The following ERC2 variants were observed in gnomAD, a reference collection of about 807,000 sequenced individuals.
ERC2 encodes the protein ERC protein 2.
Under a neutral mutation model 114.8 loss-of-function variants are expected in ERC2, and 42 were observed. That is an observed-to-expected ratio of 0.37 (90% confidence interval 0.29 to 0.47). ERC2 has a LOEUF of 0.47. Among genes scored for constraint, ERC2 ranks in the 20% least tolerant of loss-of-function variants. ERC2 has a pLI of 0.99. For missense variants in ERC2, 939 were observed against 1,150.7 expected (o/e 0.82, Z 2.66); for synonymous variants, 454 against 425.5 (o/e 1.07, Z -0.82).
Position 55,879,375 on chromosome 3 carries a change from C to T in ERC2, c.2564+9014G>A, listed in dbSNP as rs1469914144. ...CTCAAATTTTGCCTACCAACTCTAG[C>T]ACAGTCATCTGAGGCAGCATGAATC... is the stretch of plus-strand genomic sequence containing the variant. On this transcript the variant is annotated intron_variant, in intron 14 of 17. Transcript: ENST00000288221. Among the ~76,000 whole-genome samples the T allele has an allele frequency of 5.3e-5, 8 of 152,160 alleles. No homozygotes were observed. In the East Asian group the frequency reaches 1.5e-3, roughly 29 times the overall value.
chr3:55,554,659 A>T (rs892956145), intron 17 of ERC2, among the ~76,000 whole-genome samples: 2 of 152,168 alleles, frequency 1.3e-5, no homozygotes, highest in African/African-American at 4.8e-5. Context: ...ACATTTGCAA[A>T]CTGCATGGTT....
At chr3:56,052,141 C>CA (rs2075801382) in intron 7 of ERC2, among the ~76,000 whole-genome samples, 1 of 152,190 alleles carries the variant, frequency 6.6e-6, no homozygotes, top group South Asian at 2.1e-4. Context: ...AGCATGTCTC[C>CA]AACCAAGTTC....
intron 17 of ERC2, among the ~76,000 whole-genome samples, chr3:55,674,153 T>C (rs943003015): frequency 3.3e-5 from 5 of 152,064 alleles, no homozygotes; most frequent in African/African-American, 7.3e-5. Context: ...TATAAACAGA[T>C]GTGAAAAACA....
chr3:55,950,621 A>C, intron 12 of ERC2, 61 bp from the exon 13 acceptor site: 1 of 1,589,706 alleles, frequency 6.3e-7, no homozygotes, highest in Non-Finnish European at 8.6e-7. Flanking sequence ...TGTTATCACA[A>C]ATAGATTCAG....
chr3:55,561,358 A>G (rs2056004585), intron 17 of ERC2, among the ~76,000 whole-genome samples: 1 of 152,142 alleles, frequency 6.6e-6, no homozygotes, highest in African/African-American at 2.4e-5. Flanking sequence ...GGAAGCCCAC[A>G]GAAACCCCTC....
chr3:55,890,370 C>T (rs1338768725), intron 13 of ERC2, among the ~76,000 whole-genome samples: 2 of 152,114 alleles, frequency 1.3e-5, no homozygotes, highest in East Asian at 1.9e-4. Flanking sequence ...CTCATGATTC[C>T]TTTTCTGTCA....
intron 3 of ERC2, among the ~76,000 whole-genome samples, chr3:56,233,016 G>A (rs191868767): frequency 7.4e-4 from 112 of 152,206 alleles, no homozygotes; most frequent in African/African-American, 2.6e-3. Context: ...ATAACACCAC[G>A]TATGCAACTA....
At chr3:56,341,090 A>C (rs1214944728) in intron 2 of ERC2, among the ~76,000 whole-genome samples, 1 of 152,138 alleles carries the variant, frequency 6.6e-6, no homozygotes, top group Non-Finnish European at 1.5e-5. Flanking sequence ...GTCGGTGTAA[A>C]TCTTTAAAGA....
At chr3:56,000,530 A>C (rs1189173777) in intron 10 of ERC2, among the ~76,000 whole-genome samples, 3 of 152,194 alleles carry the variant, frequency 2.0e-5, no homozygotes, top group African/African-American at 4.8e-5. Flanking sequence ...AAAGCTAATA[A>C]ATGTACTGGA....
chr3:55,773,683 T>G (rs1457568294), intron 14 of ERC2, among the ~76,000 whole-genome samples: 1 of 152,246 alleles, frequency 6.6e-6, no homozygotes, highest in Non-Finnish European at 1.5e-5. Flanking sequence ...CAATGGTTAT[T>G]CAATGAATAT....
At chr3:55,845,634 C>T (rs2061330703) in intron 14 of ERC2, among the ~76,000 whole-genome samples, 1 of 151,850 alleles carries the variant, frequency 6.6e-6, no homozygotes, top group African/African-American at 2.4e-5. Context: ...TTACAAGTAG[C>T]AATTTTCACT....
chr3:55,739,411 T>A (rs1022526797), intron 14 of ERC2, among the ~76,000 whole-genome samples: 1 of 152,186 alleles, frequency 6.6e-6, no homozygotes, highest in Non-Finnish European at 1.5e-5. Context: ...CCACATCCTC[T>A]CCAGCATCTG....
rs376685275 is a variant in ERC2, at chr3:56,439,768, A to C, written c.-140-4621T>G. ...TTATGGTTTTTTTTTGCCCTTTTGC[A>C]TTGAATGTTCATTTCTCTTTAATCA... is the stretch of plus-strand genomic sequence containing the variant. On this transcript the variant is annotated intron_variant, in intron 1 of 17. Coordinates refer to ENST00000288221, the MANE Select transcript of ERC2 (RefSeq NM_015576.3). 5.1e-3 allele frequency among the ~76,000 whole-genome samples: 778 copies of C among 151,210 alleles called. 5 individuals carry two copies. The highest frequency in any genetic ancestry group is 0.017 in the African/African-American group (689 of 41,210).
chr3:55,747,790 G>A (rs1017048623), intron 14 of ERC2, among the ~76,000 whole-genome samples: 3 of 152,224 alleles, frequency 2.0e-5, no homozygotes, highest in African/African-American at 7.2e-5. Context: ...CCAAGTTACA[G>A]AAGTATAGAA....
chr3:55,979,120 AG>A (rs1437000523), intron 12 of ERC2, among the ~76,000 whole-genome samples: 3 of 152,200 alleles, frequency 2.0e-5, no homozygotes, highest in Non-Finnish European at 4.4e-5. Context: ...ATTATCTGTG[AG>A]CAACATATCA....
chr3:55,930,409 T>C (rs1363525253), intron 13 of ERC2, among the ~76,000 whole-genome samples: 4 of 152,042 alleles, frequency 2.6e-5, no homozygotes, highest in Non-Finnish European at 5.9e-5. Context: ...AACAGAGATA[T>C]AGATCAATGG....
chr3:55,618,069 C>A (rs2059191645), intron 17 of ERC2, among the ~76,000 whole-genome samples: 2 of 151,896 alleles, frequency 1.3e-5, no homozygotes, highest in Non-Finnish European at 1.5e-5. Context: ...ATCATATGGG[C>A]AGTCATAAGA....
chr3:56,072,217 G>T, intron 7 of ERC2: 1 of 156,926 alleles, frequency 6.4e-6, no homozygotes. Flanking sequence ...CTCCATGTGT[G>T]TCCCTCCCAA....
At chr3:56,306,880 G>T (rs1576361625) in intron 2 of ERC2, among the ~76,000 whole-genome samples, 1 of 152,182 alleles carries the variant, frequency 6.6e-6, no homozygotes, top group Non-Finnish European at 1.5e-5. Context: ...CTGTAAAACA[G>T]GGATGCAAGA....
Sources: allele counts gnomAD v4.1 joint callset (sites outside exome capture counted in the v4.1 genomes callset), GRCh38; gene constraint gnomAD v4.1.1; transcripts MANE v1.5; gene names NCBI Gene and HGNC (gene_info 2026-07-23, HGNC 2026-07-21).